Variants in HSD17B2 observed in about 807,000 individuals in gnomAD.
HSD17B2 encodes hydroxysteroid 17-beta dehydrogenase 2, also known as 17-beta-hydroxysteroid dehydrogenase type 2.
In HSD17B2, 32 loss-of-function variants were observed where a neutral mutation model predicts 26.9. The ratio of observed to expected loss-of-function variants is 1.19; its 90% CI spans 0.90 to 1.60. The LOEUF is 1.60. Among genes scored for constraint, HSD17B2 ranks in the 40% most tolerant of loss-of-function variants. The pLI is 0.00. For synonymous variants in HSD17B2, 246 were observed against 186.7 expected (o/e 1.32, Z -2.59); for missense variants, 613 against 468.6 (o/e 1.31, Z -2.85).
intron 3 of HSD17B2, 85 bp from the exon 4 acceptor site, chr16:82,090,817 A>C (rs1014422592): frequency 7.7e-7 from 1 of 1,296,100 alleles, no homozygotes; most frequent in African/African-American, 1.5e-5. Context: ...CAGTTCCTAC[A>C]TACAGTAGAC....
intron 1 of HSD17B2, among the ~76,000 whole-genome samples, chr16:82,053,754 T>A (rs1914181092): frequency 6.6e-6 from 1 of 152,214 alleles, no homozygotes; most frequent in African/African-American, 2.4e-5. Context: ...CTTTGTGTGC[T>A]GCTGTCCATG....
intron 1 of HSD17B2, among the ~76,000 whole-genome samples, chr16:82,058,533 T>C (rs1290262640): frequency 6.6e-6 from 1 of 152,234 alleles, no homozygotes; most frequent in Non-Finnish European, 1.5e-5. Flanking sequence ...TGAGATAACA[T>C]ATATAAACAT....
At chr16:82,048,298 G>T (rs1042552220) in intron 1 of HSD17B2, among the ~76,000 whole-genome samples, 1 of 152,152 alleles carries the variant, frequency 6.6e-6, no homozygotes, top group African/African-American at 2.4e-5. Flanking sequence ...AAGGAAAATA[G>T]TTACAAACAA....
intron 3 of HSD17B2, among the ~76,000 whole-genome samples, chr16:82,086,498 C>T (rs1001915348): frequency 6.6e-6 from 1 of 152,128 alleles, no homozygotes; most frequent in African/African-American, 2.4e-5. Flanking sequence ...CCAGAATAAT[C>T]AACAAAGTGA....
chr16:82,090,770 G>GGCCT, intron 3 of HSD17B2, 132 bp from the exon 4 acceptor site: 1 of 790,390 alleles, frequency 1.3e-6, no homozygotes, highest in East Asian at 2.7e-5. Flanking sequence ...GGGCTCAGGG[G>GGCCT]GCCTTGCCTG....
At chr16:82,039,046 C>T (rs899013738) in intron 1 of HSD17B2, among the ~76,000 whole-genome samples, 1 of 152,024 alleles carries the variant, frequency 6.6e-6, no homozygotes, top group Non-Finnish European at 1.5e-5. Flanking sequence ...GGGTTCTGGT[C>T]CTTTGGGGAA....
At chr16:82,085,385 T>A (rs1179493520) in intron 3 of HSD17B2, among the ~76,000 whole-genome samples, 6 of 152,200 alleles carry the variant, frequency 3.9e-5, no homozygotes, top group Non-Finnish European at 8.8e-5. Flanking sequence ...ATGCCTATAG[T>A]CAATTCATTC....
intron 1 of HSD17B2, among the ~76,000 whole-genome samples, chr16:82,065,431 G>T (rs539866363): frequency 7.9e-4 from 121 of 152,270 alleles, no homozygotes; most frequent in African/African-American, 2.9e-3. Context: ...AACATGCTGG[G>T]CATCCTGATA....
chr16:82,071,745 C>A (rs1448439997), intron 3 of HSD17B2: 3 of 161,320 alleles, frequency 1.9e-5, no homozygotes, highest in African/African-American at 7.2e-5. Flanking sequence ...TCATAGCATG[C>A]CCTCTTTTCT....
chr16:82,045,626 C>A (rs1034271281), intron 1 of HSD17B2, among the ~76,000 whole-genome samples: 1 of 152,242 alleles, frequency 6.6e-6, no homozygotes, highest in Non-Finnish European at 1.5e-5. Flanking sequence ...TGTGCCTCAT[C>A]AGCCTCATAC....
intron 3 of HSD17B2, among the ~76,000 whole-genome samples, chr16:82,077,297 T>C (rs1316385983): frequency 6.6e-6 from 1 of 152,098 alleles, no homozygotes; most frequent in African/African-American, 2.4e-5. Flanking sequence ...CAAAACAGCA[T>C]GGTACCAGCA....
At chr16:82,069,483 AT>A (rs1914648204) in intron 2 of HSD17B2, among the ~76,000 whole-genome samples, 1 of 152,158 alleles carries the variant, frequency 6.6e-6, no homozygotes, top group South Asian at 2.1e-4. Context: ...GTATTTAAGC[AT>A]GTTGTTTATA....
chr16:82,057,644 G>A (rs1267435420), intron 1 of HSD17B2, among the ~76,000 whole-genome samples: 1 of 152,194 alleles, frequency 6.6e-6, no homozygotes, highest in Non-Finnish European at 1.5e-5. Flanking sequence ...AACATCAGCA[G>A]CAGTCTTAAG....
chr16:82,081,064 C>T (rs1370350608), intron 3 of HSD17B2, among the ~76,000 whole-genome samples: 2 of 152,010 alleles, frequency 1.3e-5, no homozygotes, highest in Non-Finnish European at 2.9e-5. Flanking sequence ...CTCATCTTTC[C>T]CTCTCCTTCC....
At chr16:82,066,283 G>C (rs1320649378) in intron 1 of HSD17B2, among the ~76,000 whole-genome samples, 1 of 152,162 alleles carries the variant, frequency 6.6e-6, no homozygotes, top group Non-Finnish European at 1.5e-5. Context: ...GGAGACATAA[G>C]AAGGAAGGAG....
intron 1 of HSD17B2, among the ~76,000 whole-genome samples, chr16:82,065,397 C>T (rs943819954): frequency 6.6e-6 from 1 of 152,164 alleles, no homozygotes; most frequent in African/African-American, 2.4e-5. Context: ...CACTGCAGAA[C>T]AGTTTTCTTC....
intron 1 of HSD17B2, among the ~76,000 whole-genome samples, chr16:82,050,411 G>A (rs556824891): frequency 7.9e-5 from 12 of 151,852 alleles, no homozygotes; most frequent in Admixed American, 3.3e-4. Flanking sequence ...TCCACGGCTC[G>A]TCACCTCCCC....
chr16:82,084,209 T>G (rs1285528961), intron 3 of HSD17B2, among the ~76,000 whole-genome samples: 1 of 152,174 alleles, frequency 6.6e-6, no homozygotes, highest in African/African-American at 2.4e-5. Context: ...AGGGCAATAT[T>G]TCTCAACCTT....
At chr16:82,035,877 G>A (rs1365488164) in intron 1 of HSD17B2, among the ~76,000 whole-genome samples, 188 bp downstream of exon 1, 1 of 152,122 alleles carries the variant, frequency 6.6e-6, no homozygotes, top group Non-Finnish European at 1.5e-5. Flanking sequence ...TGAAGGGGCT[G>A]GTAGTGGGAG....
Sources: allele counts gnomAD v4.1 joint callset (sites outside exome capture counted in the v4.1 genomes callset), GRCh38; gene constraint gnomAD v4.1.1; transcripts MANE v1.5; gene names NCBI Gene and HGNC (gene_info 2026-07-23, HGNC 2026-07-21).